PIEZO2: variants seen among roughly 807,000 people sequenced by gnomAD.
PIEZO2 encodes piezo-type mechanosensitive ion channel component 2.
A neutral mutation model predicts 337.3 loss-of-function variants in PIEZO2; 172 were observed. The observed-to-expected ratio is 0.51, with a 90% CI of 0.45 to 0.58. The LOEUF is 0.58. PIEZO2 is among the 20% of genes least tolerant of loss of function. The pLI is 0.00. For missense variants in PIEZO2, 3,028 were observed against 3,391.3 expected (o/e 0.89, Z 2.66); for synonymous variants, 1,251 against 1,228.5 (o/e 1.02, Z -0.38).
At position 11,083,028 on chromosome 18, in the gene PIEZO2, C is replaced by T. The variant is rs1031148599; in HGVS notation, c.65-16806G>A. 2.0e-5 allele frequency among the ~76,000 whole-genome samples: 3 copies of T among 152,146 alleles called. No individual in the cohort carries two copies. Among genetic ancestry groups the T allele is most frequent in the African/African-American group, 7.2e-5 (3 of 41,436 alleles). On this transcript the variant is annotated intron_variant, in intron 1 of 55. Transcript: ENST00000674853. This position sits in a 1 kb window ranked among gnomAD's most constrained non-coding sequence, Gnocchi z 4.4. The stretch of plus-strand genomic sequence containing the variant: ...TGGCACCACCTTTCACAGAAGTTGC[C>T]TTATGGATGTGGACATCACCTCTTG...
intron 7 of PIEZO2, among the ~76,000 whole-genome samples, chr18:10,851,370 C>CACA (rs2041547341): frequency 6.6e-6 from 1 of 152,096 alleles, no homozygotes; most frequent in Admixed American, 6.5e-5. Flanking sequence ...CATTGTTTAG[C>CACA]TCACATTTTC....
chr18:11,133,784 A>T (rs183425445), intron 1 of PIEZO2, among the ~76,000 whole-genome samples: 15 of 146,154 alleles, frequency 1.0e-4, no homozygotes, highest in Middle Eastern at 3.8e-3. Context: ...TACTTAATAA[A>T]CTCCTCTCTC....
chr18:11,093,031 A>C (rs1308965978), intron 1 of PIEZO2, among the ~76,000 whole-genome samples: 1 of 152,250 alleles, frequency 6.6e-6, no homozygotes. Context: ...TTTGGTTTCC[A>C]GAAGATTTTC....
intron 2 of PIEZO2, among the ~76,000 whole-genome samples, chr18:11,037,893 A>C (rs1460311269): frequency 6.6e-6 from 1 of 152,242 alleles, no homozygotes; most frequent in African/African-American, 2.4e-5. Flanking sequence ...TAGGCACTTA[A>C]ATAATTTCTG....
Position 10,789,245 on chromosome 18 carries a change from T to G in PIEZO2, c.2003A>C (p.Glu668Ala), listed in dbSNP as rs1012750338. The G allele has an allele frequency of 6.5e-7, 1 of 1,537,360 alleles. No homozygotes were observed. The highest frequency in any genetic ancestry group is 2.0e-5 in the Admixed American group (1 of 51,010). Residue 668 changes from glutamate to alanine, a missense_variant, in exon 15 of 56, where the codon GAG becomes GCG. This residue lies in a region of PIEZO2 where 1,925 missense variants were observed against 2,051.9 expected (regional missense o/e 0.94). Coordinates refer to ENST00000674853, the MANE Select transcript of PIEZO2 (RefSeq NM_001378183.1). The stretch of plus-strand genomic sequence containing the variant: ...GCCCAGGACTTTCATGATGTCCTGC[T>G]CATCTTCTTCTTCAGCTTCCTCTTG... ...VEQEEAEEED[E>A]QDIMKVLGNL... is the part of the protein sequence containing the mutation.
intron 20 of PIEZO2, among the ~76,000 whole-genome samples, chr18:10,772,154 T>C (rs1284038311): frequency 2.0e-5 from 3 of 152,214 alleles, no homozygotes; most frequent in East Asian, 1.9e-4. Flanking sequence ...AAGAAATTCA[T>C]GCATAGTGTA....
At chr18:10,699,588 C>T (rs9951870) in intron 43 of PIEZO2, among the ~76,000 whole-genome samples, 51,840 of 152,014 alleles carry the variant, frequency 0.34, 9,290 homozygotes, top group East Asian at 0.56. Flanking sequence ...CTCTTTCTTT[C>T]GTAAATTGCC....
chr18:11,004,832 T>C (rs369656393), intron 2 of PIEZO2, among the ~76,000 whole-genome samples: 2 of 152,224 alleles, frequency 1.3e-5, no homozygotes, highest in East Asian at 3.8e-4. Flanking sequence ...TTTCCATATG[T>C]TTCAGATAAT....
chr18:10,799,224 G>C (rs12962798), intron 11 of PIEZO2, among the ~76,000 whole-genome samples: 2 of 151,998 alleles, frequency 1.3e-5, no homozygotes, highest in African/African-American at 4.8e-5. Flanking sequence ...CTAAAGGCAC[G>C]ACAAGGTCTA....
At chr18:10,971,526 C>T (rs1031598231) in intron 3 of PIEZO2, among the ~76,000 whole-genome samples, 2 of 152,096 alleles carry the variant, frequency 1.3e-5, no homozygotes, top group Non-Finnish European at 2.9e-5. Context: ...GCTGGGAAAA[C>T]ATATCCCCAA....
chr18:10,981,110 C>A (rs1201299437), intron 2 of PIEZO2, among the ~76,000 whole-genome samples: 1 of 152,026 alleles, frequency 6.6e-6, no homozygotes, highest in East Asian at 1.9e-4. Flanking sequence ...AAGCCAATTC[C>A]TTGTAATAAA....
chr18:10,995,486 C>T (rs1449972776), intron 2 of PIEZO2, among the ~76,000 whole-genome samples: 1 of 152,120 alleles, frequency 6.6e-6, no homozygotes, highest in Non-Finnish European at 1.5e-5. Flanking sequence ...ACATAAAACT[C>T]TACTTTGGTG....
intron 27 of PIEZO2, among the ~76,000 whole-genome samples, chr18:10,757,337 T>G: frequency 1.6e-5 from 2 of 125,270 alleles, no homozygotes; most frequent in African/African-American, 3.1e-5. Context: ...GGATGGAGGA[T>G]GAGAAGAGGA....
At chr18:11,068,641 A>T (rs1430642145) in intron 1 of PIEZO2, among the ~76,000 whole-genome samples, 1 of 152,138 alleles carries the variant, frequency 6.6e-6, no homozygotes, top group Non-Finnish European at 1.5e-5. Context: ...AAGAAAAGCT[A>T]ACCAAGCCCA....
At chr18:10,898,001 T>A (rs1052771674) in intron 4 of PIEZO2, among the ~76,000 whole-genome samples, 8 of 152,180 alleles carry the variant, frequency 5.3e-5, no homozygotes, top group Admixed American at 4.6e-4. Flanking sequence ...GACAAAAAAA[T>A]TTAACATAAA....
chr18:10,968,498 T>C (rs1279032592), intron 3 of PIEZO2, among the ~76,000 whole-genome samples: 2 of 152,194 alleles, frequency 1.3e-5, no homozygotes, highest in African/African-American at 4.8e-5. Context: ...GATGGTGGTA[T>C]GTTGATGGGA....
At chr18:10,747,753 G>A (rs2037482528) in intron 30 of PIEZO2, among the ~76,000 whole-genome samples, 2 of 152,190 alleles carry the variant, frequency 1.3e-5, no homozygotes, top group East Asian at 1.9e-4. Flanking sequence ...AGACTCTAGC[G>A]AAACTGTAGG....
intron 7 of PIEZO2, among the ~76,000 whole-genome samples, chr18:10,827,514 T>TCC (rs1257016676): frequency 6.6e-6 from 1 of 151,802 alleles, no homozygotes; most frequent in Non-Finnish European, 1.5e-5. Context: ...TTTTTCTCTC[T>TCC]CTGCTCCCCC....
chr18:11,062,986 A>G (rs1225104108), intron 2 of PIEZO2, among the ~76,000 whole-genome samples: 2 of 152,190 alleles, frequency 1.3e-5, no homozygotes, highest in African/African-American at 4.8e-5. Flanking sequence ...CATTATTCAC[A>G]ATAGCAAAGA....
Sources: gnomAD v4.1 joint callset for allele counts (sites outside exome capture counted in the v4.1 genomes callset) on GRCh38, gnomAD v4.1.1 for gene constraint, gnomAD v4.1.1 regional missense constraint, Gnocchi (gnomAD v3.1) non-coding constraint, MANE v1.5 for transcripts, NCBI Gene and HGNC (gene_info 2026-07-23, HGNC 2026-07-21) for gene names.